WDR27: variants seen among roughly 807,000 people sequenced by gnomAD.
The protein encoded by WDR27 is WD repeat domain 27.
Under a neutral mutation model 114.4 loss-of-function variants are expected in WDR27, and 100 were observed. The ratio of observed to expected loss-of-function variants is 0.87; its 90% CI spans 0.74 to 1.03. The LOEUF is 1.03. Among genes scored for constraint, WDR27 ranks in the 50% least tolerant of loss-of-function variants. WDR27 has a pLI of 0.00. For synonymous variants in WDR27, 449 were observed against 423.1 expected, an observed-to-expected ratio of 1.06 and a Z score of -0.75; for missense variants, 1,129 against 1,092.9, an observed-to-expected ratio of 1.03 and a Z score of -0.47.
intron 25 of WDR27, among the ~76,000 whole-genome samples, chr6:169,461,045 A>G (rs1237936993): frequency 1.3e-5 from 2 of 152,208 alleles, no homozygotes; most frequent in Admixed American, 1.3e-4. Context: ...GACATTACAG[A>G]TTAATAAAAG....
chr6:169,564,730 C>T (rs1467706685), intron 25 of WDR27, among the ~76,000 whole-genome samples: 1 of 152,100 alleles, frequency 6.6e-6, no homozygotes, highest in Non-Finnish European at 1.5e-5. Context: ...CACCCATCTG[C>T]CCTGGGAGTG....
chr6:169,652,597 A>T (rs1373480037), intron 13 of WDR27, among the ~76,000 whole-genome samples: 3 of 152,206 alleles, frequency 2.0e-5, no homozygotes, highest in African/African-American at 7.2e-5. Context: ...AAACTCTGAC[A>T]TCACGTGAAC....
At chr6:169,671,946 T>A (rs543711627) in intron 3 of WDR27, 1 of 198,540 alleles carries the variant, frequency 5.0e-6, no homozygotes, top group Admixed American at 5.9e-5. Flanking sequence ...CTTTCCTACA[T>A]GTTTTCAGGT....
intron 22 of WDR27, among the ~76,000 whole-genome samples, chr6:169,607,449 G>GA (rs1562682272): frequency 6.7e-5 from 10 of 149,802 alleles, no homozygotes; most frequent in Admixed American, 6.7e-4. Flanking sequence ...ATTCAGCCAT[G>GA]AAAAAAATGA....
chr6:169,602,150 A>G, intron 23 of WDR27, 69 bp downstream of exon 23: 17 of 1,198,492 alleles, frequency 1.4e-5, no homozygotes, highest in Non-Finnish European at 1.6e-5. Context: ...ATATGCAACA[A>G]TATTAAACAG....
At chr6:169,519,308 G>A (rs1794061469) in intron 25 of WDR27, among the ~76,000 whole-genome samples, 1 of 152,084 alleles carries the variant, frequency 6.6e-6, no homozygotes, top group Admixed American at 6.6e-5. Context: ...TTCTGTGTTA[G>A]TTCATTCTTG....
intron 13 of WDR27, 182 bp downstream of exon 13, chr6:169,658,094 A>T (rs1824759631): frequency 3.7e-6 from 2 of 546,690 alleles, no homozygotes; most frequent in Non-Finnish European, 6.8e-6. Flanking sequence ...GCACCCAGCA[A>T]GTTCCCCACC....
intron 18 of WDR27, 100 bp from the exon 19 acceptor site, chr6:169,636,604 T>C: frequency 1.6e-6 from 2 of 1,258,548 alleles, no homozygotes; most frequent in Non-Finnish European, 2.2e-6. Context: ...CCAACATCTA[T>C]TTGTTCTAAA....
intron 4 of WDR27, 41 bp downstream of exon 4, chr6:169,670,528 G>A (rs541917869): frequency 5.3e-5 from 86 of 1,613,176 alleles, no homozygotes; most frequent in Non-Finnish European, 6.4e-5. Flanking sequence ...GGCCCCATCA[G>A]CTAAACCCTT....
chr6:169,497,583 T>C (rs895768299), intron 25 of WDR27, among the ~76,000 whole-genome samples: 3 of 149,956 alleles, frequency 2.0e-5, no homozygotes, highest in African/African-American at 7.3e-5. Context: ...AGTTAAAACA[T>C]GGATTAAGAA....
At chr6:169,570,662 C>T (rs1801246888) in intron 25 of WDR27, among the ~76,000 whole-genome samples, 1 of 152,162 alleles carries the variant, frequency 6.6e-6, no homozygotes, top group Non-Finnish European at 1.5e-5. Context: ...AACCTCGTCT[C>T]TACTAAAAAT....
intron 21 of WDR27, among the ~76,000 whole-genome samples, chr6:169,615,785 T>C (rs533395318): frequency 6.6e-6 from 1 of 152,122 alleles, no homozygotes; most frequent in Admixed American, 6.5e-5. Flanking sequence ...ACAAGTGGGA[T>C]CTAATTAAAC....
At chr6:169,533,734 T>G (rs76143197) in intron 25 of WDR27, among the ~76,000 whole-genome samples, 3,130 of 152,284 alleles carry the variant, frequency 0.021, 68 homozygotes, top group East Asian at 0.081. Context: ...GTGATGAGCA[T>G]GTGCTTCACC....
At chr6:169,657,865 T>C (rs565789784) in intron 13 of WDR27, 47 of 164,958 alleles carry the variant, frequency 2.8e-4, no homozygotes, top group Non-Finnish European at 5.5e-4. Flanking sequence ...AACATACATG[T>C]TCCAGAAATG....
intron 25 of WDR27, among the ~76,000 whole-genome samples, chr6:169,537,651 G>A (rs970831194): frequency 1.3e-5 from 2 of 152,102 alleles, no homozygotes; most frequent in African/African-American, 4.8e-5. Context: ...CGTGGGCTTC[G>A]ATCTTATTCT....
At chr6:169,523,751 A>T (rs910356450) in intron 25 of WDR27, among the ~76,000 whole-genome samples, 6 of 152,216 alleles carry the variant, frequency 3.9e-5, no homozygotes, top group East Asian at 3.9e-4. Flanking sequence ...TTTTATGATT[A>T]AAAAAACCCT....
intron 1 of WDR27, among the ~76,000 whole-genome samples, chr6:169,699,212 G>T (rs1787140030): frequency 6.6e-6 from 1 of 152,298 alleles, no homozygotes; most frequent in East Asian, 1.9e-4. Context: ...GACACGAAAA[G>T]AAAGTACGAA....
intron 16 of WDR27, among the ~76,000 whole-genome samples, chr6:169,645,470 A>C (rs1396337655): frequency 6.6e-6 from 1 of 151,172 alleles, no homozygotes; most frequent in East Asian, 2.0e-4. Flanking sequence ...AGAAAATCCT[A>C]GTTCGTATGA....
At chr6:169,604,744 C>T (rs913725306) in intron 22 of WDR27, among the ~76,000 whole-genome samples, 4 of 152,200 alleles carry the variant, frequency 2.6e-5, no homozygotes, top group African/African-American at 2.4e-5. Context: ...GAAGATAATA[C>T]ACCATGACCA....
Sources: gnomAD v4.1 joint callset for allele counts (sites outside exome capture counted in the v4.1 genomes callset) on GRCh38, gnomAD v4.1.1 for gene constraint, MANE v1.5 for transcripts, NCBI Gene and HGNC (gene_info 2026-07-23, HGNC 2026-07-21) for gene names.